OPCML: variants seen among roughly 807,000 people sequenced by gnomAD.
The protein encoded by OPCML is opioid-binding protein/cell adhesion molecule.
A neutral mutation model predicts 37.8 loss-of-function variants in OPCML; 13 were observed. The ratio of observed to expected loss-of-function variants is 0.34; its 90% CI spans 0.22 to 0.55. The LOEUF is 0.55. Ranked by LOEUF, OPCML falls within the 20% of genes least tolerant of loss-of-function variation. The probability of loss-of-function intolerance (pLI) is 0.91; values close to 1 mark genes in which losing one functional copy is unlikely to be tolerated. For synonymous variants in OPCML, 176 were observed against 168.8 expected, an observed-to-expected ratio of 1.04 and a Z score of -0.33; for missense variants, 341 against 435.6, an observed-to-expected ratio of 0.78 and a Z score of 1.93.
At chr11:133,005,842 G>A (rs1447943030) in intron 1 of OPCML, 1 of 985,268 alleles carries the variant, frequency 1.0e-6, no homozygotes, top group African/African-American at 1.7e-5. Flanking sequence ...GCTCTTTGCT[G>A]CCTAGGATCT....
intron 2 of OPCML, among the ~76,000 whole-genome samples, chr11:132,797,973 G>A (rs980016508): frequency 4.6e-5 from 7 of 152,152 alleles, no homozygotes; most frequent in Admixed American, 3.3e-4. Flanking sequence ...TCTCTAGCAT[G>A]GGATGCTGTT....
At chr11:132,823,335 T>C (rs78754124) in intron 2 of OPCML, among the ~76,000 whole-genome samples, 4,143 of 152,254 alleles carry the variant, frequency 0.027, 68 homozygotes, top group African/African-American at 0.043. Context: ...TTCCCACTAA[T>C]GTATTTAGGA....
intron 2 of OPCML, among the ~76,000 whole-genome samples, chr11:132,738,499 A>G (rs1289199250): frequency 6.6e-6 from 1 of 152,212 alleles, no homozygotes; most frequent in Non-Finnish European, 1.5e-5. Context: ...GTCTAATTCT[A>G]TAAAGAATGT....
chr11:133,054,236 C>T (rs1034566085), intron 1 of OPCML, among the ~76,000 whole-genome samples: 8 of 152,196 alleles, frequency 5.3e-5, no homozygotes, highest in African/African-American at 1.4e-4. Flanking sequence ...CAGATCAGCT[C>T]ATACTTCTGT....
intron 2 of OPCML, among the ~76,000 whole-genome samples, chr11:132,903,931 A>T (rs1944147481): frequency 6.6e-6 from 1 of 152,250 alleles, no homozygotes; most frequent in Non-Finnish European, 1.5e-5. Flanking sequence ...TTTGTCTTTG[A>T]TAGATGGCAT....
intron 1 of OPCML, among the ~76,000 whole-genome samples, chr11:132,997,078 C>T (rs11824966): frequency 2.0e-5 from 3 of 152,114 alleles, no homozygotes; most frequent in Non-Finnish European, 4.4e-5. Context: ...ATTAAAGGAG[C>T]CTTTTACCCC....
chr11:133,265,376 C>T (rs1338294350), intron 1 of OPCML, among the ~76,000 whole-genome samples: 2 of 152,162 alleles, frequency 1.3e-5, no homozygotes, highest in African/African-American at 2.4e-5. Flanking sequence ...TTGGCGTTGG[C>T]TATCCATTGA....
At chr11:132,726,431 C>T (rs1031109063) in intron 2 of OPCML, among the ~76,000 whole-genome samples, 2 of 152,078 alleles carry the variant, frequency 1.3e-5, no homozygotes, top group Non-Finnish European at 2.9e-5. Flanking sequence ...ATTCAATTAC[C>T]TTCCACTGGG....
intron 2 of OPCML, among the ~76,000 whole-genome samples, chr11:132,833,812 C>T (rs953331716): frequency 6.6e-5 from 10 of 152,174 alleles, no homozygotes; most frequent in African/African-American, 2.4e-4. Flanking sequence ...TTGACTGAAA[C>T]ATCGTTACGC....
Position 133,174,357 on chromosome 11 carries a change from T to G in OPCML, c.62-231347A>C, listed in dbSNP as rs544074502. 2.0e-5 allele frequency among the ~76,000 whole-genome samples: 3 copies of G among 152,212 alleles called. No homozygotes were observed. Among genetic ancestry groups the G allele is most frequent in the East Asian group, 3.9e-4 (2 of 5,158 alleles). On this transcript the variant is annotated intron_variant, in intron 1 of 7. Coordinates refer to ENST00000524381, the MANE Select transcript of OPCML (RefSeq NM_001012393.5). The surrounding 1 kb of genome is among the most constrained non-coding windows in gnomAD (Gnocchi z 4.6). The stretch of plus-strand genomic sequence containing the variant: ...GGTCAGATGAAATGGCCATTTCTAG[T>G]TTCTCAAAAGCCCCATTCCCTGTGC...
intron 5 of OPCML, chr11:132,436,981 T>C: frequency 1.1e-6 from 1 of 929,228 alleles, no homozygotes; most frequent in Non-Finnish European, 1.3e-6. Context: ...AACCTCTTTT[T>C]CAGGCCTCCA....
intron 1 of OPCML, among the ~76,000 whole-genome samples, chr11:133,358,385 G>A (rs529887981): frequency 2.6e-5 from 4 of 152,266 alleles, no homozygotes; most frequent in East Asian, 3.9e-4. Context: ...AGCAACCAAA[G>A]CATGCCATGA....
chr11:133,068,515 C>G (rs1948474987), intron 1 of OPCML, among the ~76,000 whole-genome samples: 1 of 152,198 alleles, frequency 6.6e-6, no homozygotes, highest in East Asian at 1.9e-4. Flanking sequence ...CATCGCTCCC[C>G]TGTTTAGGTT....
intron 1 of OPCML, among the ~76,000 whole-genome samples, chr11:133,420,056 T>A (rs1027439292): frequency 2.6e-5 from 4 of 152,250 alleles, no homozygotes; most frequent in African/African-American, 9.6e-5. Context: ...TGAGAATCAA[T>A]TAAGCTTTAC....
intron 1 of OPCML, among the ~76,000 whole-genome samples, chr11:133,521,151 G>A (rs185453876): frequency 6.6e-6 from 1 of 152,316 alleles, no homozygotes; most frequent in Admixed American, 6.5e-5. Flanking sequence ...ACTTCGGAAG[G>A]GGTGTGTCCA....
intron 1 of OPCML, among the ~76,000 whole-genome samples, chr11:133,147,591 G>T (rs188467635): frequency 2.0e-5 from 3 of 152,256 alleles, no homozygotes; most frequent in South Asian, 4.1e-4. Flanking sequence ...GATGTTTTGG[G>T]AATTAAACCA....
intron 1 of OPCML, among the ~76,000 whole-genome samples, chr11:133,253,145 C>CA (rs549441502): frequency 0.099 from 9,766 of 99,016 alleles, 474 homozygotes; most frequent in Middle Eastern, 0.15. Flanking sequence ...GACTCTGTCT[C>CA]AAAAAAAAAA....
At chr11:133,322,442 T>G (rs1396887333) in intron 1 of OPCML, among the ~76,000 whole-genome samples, 1 of 152,238 alleles carries the variant, frequency 6.6e-6, no homozygotes. Context: ...TCTGGCGATC[T>G]TTTTCAAACA....
chr11:133,287,196 A>G (rs1942322471), intron 1 of OPCML, among the ~76,000 whole-genome samples: 1 of 152,154 alleles, frequency 6.6e-6, no homozygotes, highest in Admixed American at 6.5e-5. Context: ...CAAAAAAGAT[A>G]AAGTAAAATT....
Sources: allele counts gnomAD v4.1 joint callset (sites outside exome capture counted in the v4.1 genomes callset), GRCh38; gene constraint gnomAD v4.1.1; non-coding constraint Gnocchi (gnomAD v3.1); transcripts MANE v1.5; gene names NCBI Gene and HGNC (gene_info 2026-07-23, HGNC 2026-07-21).